PARM1: variants seen among roughly 807,000 people sequenced by gnomAD.
PARM1 encodes prostate androgen-regulated mucin-like protein 1.
In PARM1, 14 loss-of-function variants were observed where a neutral mutation model predicts 24.6. That is an observed-to-expected ratio of 0.57 (90% confidence interval 0.38 to 0.89). The LOEUF (loss-of-function observed/expected upper bound fraction) is 0.89, where lower values mean the gene tolerates loss of function less well. PARM1 is among the 40% of genes least tolerant of loss of function. The pLI is 0.00. For synonymous variants in PARM1, 179 were observed against 156.6 expected, an observed-to-expected ratio of 1.14 and a Z score of -1.07; for missense variants, 362 against 380.4, an observed-to-expected ratio of 0.95 and a Z score of 0.40.
At chr4:75,026,164 A>G (rs1560796337) in intron 2 of PARM1, among the ~76,000 whole-genome samples, 1 of 152,214 alleles carries the variant, frequency 6.6e-6, no homozygotes, top group Non-Finnish European at 1.5e-5. Context: ...TCTTTTTGCA[A>G]CATAACTACT....
chr4:74,979,510 A>T (rs1304150125), intron 1 of PARM1, among the ~76,000 whole-genome samples: 1 of 152,216 alleles, frequency 6.6e-6, no homozygotes, highest in Non-Finnish European at 1.5e-5. Flanking sequence ...AGACAGATTC[A>T]TGGCTAAATT....
chr4:74,951,286 C>T (rs560468876), intron 1 of PARM1, among the ~76,000 whole-genome samples: 18 of 152,306 alleles, frequency 1.2e-4, no homozygotes, highest in South Asian at 4.1e-4. Context: ...TACATCACCA[C>T]GCCTGCAGTA....
At chr4:74,948,818 C>T (rs1039092732) in intron 1 of PARM1, among the ~76,000 whole-genome samples, 6 of 152,032 alleles carry the variant, frequency 3.9e-5, no homozygotes, top group Non-Finnish European at 5.9e-5. Context: ...GTCAGAAGTT[C>T]GAGACCAGCC....
At chr4:75,037,260 G>A (rs556636066) in intron 3 of PARM1, among the ~76,000 whole-genome samples, 3 of 152,292 alleles carry the variant, frequency 2.0e-5, no homozygotes, top group African/African-American at 7.2e-5. Context: ...TTGTTTGGCT[G>A]GAGCAGCGAG....
At chr4:74,982,210 T>C (rs558952492) in intron 1 of PARM1, among the ~76,000 whole-genome samples, 4 of 152,232 alleles carry the variant, frequency 2.6e-5, no homozygotes, top group African/African-American at 9.6e-5. Flanking sequence ...AACCAAACAC[T>C]GCATATTCTC....
At chr4:75,043,335 C>T (rs1297258435) in intron 3 of PARM1, among the ~76,000 whole-genome samples, 1 of 152,092 alleles carries the variant, frequency 6.6e-6, no homozygotes, top group African/African-American at 2.4e-5. Flanking sequence ...TATTGGCCAA[C>T]ATTCATTGCA....
At chr4:74,933,472 C>A in intron 1 of PARM1, 102 bp downstream of exon 1, 2 of 1,008,096 alleles carry the variant, frequency 2.0e-6, no homozygotes, top group Non-Finnish European at 3.1e-6. Context: ...TGAGTCGCCG[C>A]GCGCCTCCGG....
intron 2 of PARM1, among the ~76,000 whole-genome samples, chr4:75,016,607 T>C (rs1722994325): frequency 6.6e-6 from 1 of 152,146 alleles, no homozygotes; most frequent in Non-Finnish European, 1.5e-5. Context: ...TGGTTTGACC[T>C]GACCTGCCAG....
At chr4:74,940,524 T>C (rs1000962563) in intron 1 of PARM1, among the ~76,000 whole-genome samples, 10 of 152,220 alleles carry the variant, frequency 6.6e-5, no homozygotes, top group Non-Finnish European at 1.5e-4. Context: ...GGGGCCTCTT[T>C]TATAAGACAC....
At chr4:75,011,529 C>T (rs1164628145) in intron 1 of PARM1, among the ~76,000 whole-genome samples, 1 of 152,100 alleles carries the variant, frequency 6.6e-6, no homozygotes, top group East Asian at 1.9e-4. Flanking sequence ...AAAAGTGAAA[C>T]CAGGAACCCC....
intron 1 of PARM1, among the ~76,000 whole-genome samples, chr4:74,981,149 A>C (rs915471980): frequency 6.6e-6 from 1 of 152,242 alleles, no homozygotes; most frequent in Non-Finnish European, 1.5e-5. Flanking sequence ...GCACAGCAAA[A>C]GAAACTATCA....
In PARM1 at chr4:75,012,603, A is replaced by T; in HGVS notation, c.222A>T (p.Thr74=). ...TCCCAGTTACAGCATCAGCCCCAAC[A>T]TCTCTGCTTCCTAAGAACATTTCCA... is the stretch of plus-strand genomic sequence containing the variant. The part of the protein sequence containing the change: ...SVLPVTASAP[T]SLLPKNISIE... Residue 74 remains threonine (T), a synonymous_variant, in exon 2 of 4, where the codon ACA becomes ACT. Transcript: ENST00000307428. 2 of 1,613,918 alleles carry T rather than the reference A, an allele frequency of 1.2e-6. No individual in the cohort carries two copies. Among genetic ancestry groups the T allele is most frequent in the Non-Finnish European group, 8.5e-7 (1 of 1,179,868 alleles).
At chr4:75,015,449 A>G (rs572129512) in intron 2 of PARM1, among the ~76,000 whole-genome samples, 1 of 152,318 alleles carries the variant, frequency 6.6e-6, no homozygotes, top group African/African-American at 2.4e-5. Context: ...GACATCACTG[A>G]CCAGTACACA....
intron 1 of PARM1, among the ~76,000 whole-genome samples, chr4:74,981,731 T>G (rs1722259635): frequency 6.6e-6 from 1 of 151,794 alleles, no homozygotes; most frequent in African/African-American, 2.4e-5. Flanking sequence ...AAAAATTAGC[T>G]GGGCACAGTG....
chr4:75,030,767 C>A (rs1451636518), intron 2 of PARM1, among the ~76,000 whole-genome samples: 1 of 152,214 alleles, frequency 6.6e-6, no homozygotes, highest in Admixed American at 6.5e-5. Context: ...CAGCCACCTT[C>A]CCCATGTCTC....
chr4:75,032,087 A>G (rs1422537060), intron 2 of PARM1, among the ~76,000 whole-genome samples: 2 of 152,192 alleles, frequency 1.3e-5, no homozygotes, highest in Non-Finnish European at 2.9e-5. Flanking sequence ...TGTCTTTACA[A>G]TAGTAAAAAG....
chr4:74,963,734 A>G (rs1031236506), intron 1 of PARM1, among the ~76,000 whole-genome samples: 7 of 152,202 alleles, frequency 4.6e-5, no homozygotes, highest in African/African-American at 1.7e-4. Context: ...GATAGTGGCA[A>G]TGGTTGAACG....
chr4:74,936,145 T>G (rs1721179256), intron 1 of PARM1, among the ~76,000 whole-genome samples: 1 of 152,170 alleles, frequency 6.6e-6, no homozygotes, highest in African/African-American at 2.4e-5. Flanking sequence ...TCACTTCTAT[T>G]TCTAAAAGGA....
chr4:75,009,930 G>A (rs1419913186), intron 1 of PARM1, among the ~76,000 whole-genome samples: 3 of 152,130 alleles, frequency 2.0e-5, no homozygotes, highest in African/African-American at 7.2e-5. Context: ...ACGAAAATGA[G>A]CAAAGGGTAT....
Sources: allele counts gnomAD v4.1 joint callset (sites outside exome capture counted in the v4.1 genomes callset), GRCh38; gene constraint gnomAD v4.1.1; transcripts MANE v1.5; gene names NCBI Gene and HGNC (gene_info 2026-07-23, HGNC 2026-07-21).